The following IAH1 variants were observed in gnomAD, a reference collection of about 807,000 sequenced individuals.
IAH1 encodes the protein isoamyl acetate-hydrolyzing esterase 1 homolog.
IAH1 carries 24 observed loss-of-function variants against 26.7 expected under a neutral mutation model. That is an observed-to-expected ratio of 0.90 (90% CI 0.65 to 1.26). The LOEUF is 1.26. Among genes scored for constraint, IAH1 ranks in the 50% most tolerant of loss-of-function variants. IAH1 has a pLI of 0.00. For missense variants in IAH1, 300 were observed against 299.9 expected, an observed-to-expected ratio of 1.00 and a Z score of 0.00; for synonymous variants, 140 against 118.5, an observed-to-expected ratio of 1.18 and a Z score of -1.18.
chr2:9,479,638 G>A (rs1173683254), intron 3 of IAH1, among the ~76,000 whole-genome samples: 1 of 152,088 alleles, frequency 6.6e-6, no homozygotes, highest in Non-Finnish European at 1.5e-5. Flanking sequence ...CATGAAATAA[G>A]ATTGGAACTC....
the IAH1 span, among the ~76,000 whole-genome samples, chr2:9,504,786 C>A: frequency 1.3e-5 from 2 of 149,290 alleles, no homozygotes; most frequent in African/African-American, 4.9e-5. Context: ...AAAAAAGATT[C>A]TTTTAACTAT....
downstream of IAH1, chr2:9,497,202 A>T (rs56237316): frequency 6.2e-6 from 10 of 1,614,124 alleles, no homozygotes; most frequent in Middle Eastern, 3.3e-4. Context: ...CCAAGCAAAC[A>T]GTGTCATCTT....
At chr2:9,510,208 T>A in the IAH1 span, 2 of 1,479,412 alleles carry the variant, frequency 1.4e-6, no homozygotes. Flanking sequence ...GCCTATGCTG[T>A]CTTAAATAGA....
the IAH1 span, chr2:9,502,163 G>C: frequency 6.2e-7 from 1 of 1,610,682 alleles, no homozygotes; most frequent in Non-Finnish European, 8.5e-7. Context: ...GAAGCAACAA[G>C]AACACGAACC....
chr2:9,474,706 G>A lies in IAH1; in HGVS notation c.81+59G>A. On this transcript the variant is annotated intron_variant, in intron 1 of 5. Transcript: ENST00000497473. This position sits in a 1 kb window ranked among gnomAD's most constrained non-coding sequence, Gnocchi z 4.3. ...GGCCTCCCTGCGGGGTCGCTGCCGAGCAGGCCGAGGCTCCTCGCCGTCCTC... is the reference window on the plus strand; with the variant it reads ...GGCCTCCCTGCGGGGTCGCTGCCGAACAGGCCGAGGCTCCTCGCCGTCCTC... 3 of 1,299,996 alleles carry A rather than the reference G, an allele frequency of 2.3e-6. No individual in the cohort carries two copies. The highest frequency in any genetic ancestry group is 5.8e-5 in the East Asian group (2 of 34,454). The allele number at this position is 1,299,996 out of a possible 1,614,324, so 80.5% of individuals were successfully genotyped here. A position where few individuals can be genotyped will look rare whatever the true frequency, so the allele number is the denominator to read the frequency against.
At chr2:9,493,039 A>C (rs1053928377), downstream of IAH1, 1 of 1,414,174 alleles carries the variant, frequency 7.1e-7, no homozygotes. Context: ...CACAAATCTA[A>C]AGTGAAATGC....
At chr2:9,487,589 A>G (rs1476517292) in intron 5 of IAH1, 1 of 152,182 alleles carries the variant, frequency 6.6e-6, no homozygotes, top group Non-Finnish European at 1.5e-5. Flanking sequence ...ATATGGAGAC[A>G]GCACTATAGC....
At position 9,489,564 on chromosome 2, in the gene IAH1, A is replaced by G. The variant is rs1328804745; in HGVS notation, c.*1235A>G. ...GTAGGTGGTTAGGTTTCTAGAGAGC[A>G]TTAGTCTTAGAATTATGAAGAGCCA... On this transcript the variant is annotated 3_prime_UTR_variant, in exon 6 of 6. Coordinates refer to ENST00000497473, the MANE Select transcript of IAH1 (RefSeq NM_001039613.3). The G allele has an allele frequency of 6.6e-6, 1 of 152,408 alleles. No individual in the cohort carries two copies. The highest frequency in any genetic ancestry group is 1.5e-5 in the Non-Finnish European group (1 of 68,004). 9.4% of individuals were successfully genotyped at this position (152,408 alleles called of 1,614,324 possible). A position where few individuals can be genotyped will look rare whatever the true frequency, so the allele number is the denominator to read the frequency against.
At position 9,481,300 on chromosome 2, in the gene IAH1, C is replaced by T. The variant is rs769901301; in HGVS notation, c.298C>T (p.Gln100Ter). The T allele has an allele frequency of 5.0e-6, 8 of 1,614,074 alleles. No individual in the cohort carries two copies. In the African/African-American group the frequency reaches 9.3e-5, roughly 19 times the overall value. Residue 100 changes from glutamine to a stop codon, truncating the protein, a stop_gained, in exon 4 of 6, where the codon CAG becomes TAG. Transcript: ENST00000497473. LOFTEE classifies it high-confidence loss of function. ...CTCTTGAGCAGATGAGAATCCCAAGCAGCACATTCCCCTGGAGGAGTACGC... is the reference window on the plus strand; with the variant it reads ...CTCTTGAGCAGATGAGAATCCCAAGTAGCACATTCCCCTGGAGGAGTACGC... ...DSALKDENPKQHIPLEEYAAN... is the reference protein window; with the variant it reads ...DSALKDENPK
At chr2:9,509,728 T>G in the IAH1 span, among the ~76,000 whole-genome samples, 1 of 152,142 alleles carries the variant, frequency 6.6e-6, no homozygotes, top group African/African-American at 2.4e-5. Context: ...GCCATTATTA[T>G]TAGTAATTTT....
Position 9,474,675 on chromosome 2 carries a change from C to T in IAH1, c.81+28C>T. ...ACGGCCGCCCCGACGCTCGGCCTCC[C>T]GCCCCGGCCTCCCTGCGGGGTCGCT... is the stretch of plus-strand genomic sequence containing the variant. On this transcript the variant is annotated intron_variant, in intron 1 of 5. Transcript: ENST00000497473. The surrounding 1 kb of genome is among the most constrained non-coding windows in gnomAD (Gnocchi z 4.3). 1.3e-6 allele frequency: 2 copies of T among 1,501,782 alleles called. No homozygotes were observed. The highest frequency in any genetic ancestry group is 8.9e-7 in the Non-Finnish European group (1 of 1,117,418). The allele number at this position is 1,501,782 out of a possible 1,614,324, so 93.0% of individuals were successfully genotyped here.
downstream of IAH1, chr2:9,497,274 A>G (rs41264175): frequency 0.18 from 297,666 of 1,612,508 alleles, 29,654 homozygotes; most frequent in Middle Eastern, 0.29. Context: ...AGTCATAACA[A>G]AAAGAATGAG....
downstream of IAH1, among the ~76,000 whole-genome samples, chr2:9,500,911 T>C (rs1410541949): frequency 1.3e-5 from 2 of 152,234 alleles, no homozygotes; most frequent in African/African-American, 2.4e-5. Flanking sequence ...GGACAACTTA[T>C]GAAGCTAATA....
chr2:9,494,640 C>T (rs1476987098), downstream of IAH1: 1 of 1,613,924 alleles, frequency 6.2e-7, no homozygotes, highest in Admixed American at 1.7e-5. Flanking sequence ...TACTCACATT[C>T]ATGTCACAAA....
At chr2:9,483,042 T>C (rs773825142) in intron 4 of IAH1, among the ~76,000 whole-genome samples, 2 of 152,234 alleles carry the variant, frequency 1.3e-5, no homozygotes, top group African/African-American at 2.4e-5. Flanking sequence ...GGAAAAATGT[T>C]ACATAGCATG....
chr2:9,497,867 G>A (rs1001160469), downstream of IAH1, among the ~76,000 whole-genome samples: 4 of 151,814 alleles, frequency 2.6e-5, no homozygotes, highest in South Asian at 2.1e-4. Context: ...CTCCTTCATT[G>A]CATATGTTTT....
At chr2:9,474,544 G>GCCCCCCCCCC, upstream of IAH1, 7 of 970,860 alleles carry the variant, frequency 7.2e-6, no homozygotes, top group African/African-American at 1.7e-5. The surrounding 1 kb of genome is among the most constrained non-coding windows in gnomAD (Gnocchi z 4.3). Context: ...TGGCGGCCCC[G>GCCCCCCCCCC]CCCCGCCCCG....
the IAH1 span, among the ~76,000 whole-genome samples, chr2:9,503,085 A>C: frequency 6.7e-6 from 1 of 148,860 alleles, no homozygotes; most frequent in Non-Finnish European, 1.5e-5. Context: ...GGTTGCGGTG[A>C]GCCAAGATCG....
At chr2:9,485,590 G>GTCACA (rs1309137327) in intron 5 of IAH1, 1 of 152,570 alleles carries the variant, frequency 6.6e-6, no homozygotes, top group African/African-American at 2.4e-5. Flanking sequence ...GGAGGCAGAG[G>GTCACA]TCACACCACT....
Sources: gnomAD v4.1 joint callset for allele counts (sites outside exome capture counted in the v4.1 genomes callset) on GRCh38, gnomAD v4.1.1 for gene constraint, Gnocchi (gnomAD v3.1) non-coding constraint, MANE v1.5 for transcripts, NCBI Gene and HGNC (gene_info 2026-07-23, HGNC 2026-07-21) for gene names.